The following MGAT5 variants were observed in gnomAD, a reference collection of about 807,000 sequenced individuals.
The protein encoded by MGAT5 is alpha-1,6-mannosylglycoprotein 6-beta-N-acetylglucosaminyltransferase, also known as alpha-1,6-mannosylglycoprotein 6-beta-N-acetylglucosaminyltransferase A.
A neutral mutation model predicts 94.3 loss-of-function variants in MGAT5; 30 were observed. The ratio of observed to expected loss-of-function variants is 0.32; its 90% CI spans 0.24 to 0.43. MGAT5 has a LOEUF of 0.43. Ranked by LOEUF, MGAT5 falls within the 20% of genes least tolerant of loss-of-function variation. The probability of loss-of-function intolerance (pLI) is 1.00; values close to 1 mark genes in which losing one functional copy is unlikely to be tolerated. For synonymous variants in MGAT5, 310 were observed against 322.9 expected (o/e 0.96, Z 0.43); for missense variants, 691 against 905.5 (o/e 0.76, Z 3.04).
intron 10 of MGAT5, among the ~76,000 whole-genome samples, chr2:134,381,382 T>TTAGATAGA (rs61246431): frequency 0.035 from 3,794 of 108,428 alleles, 178 homozygotes; most frequent in Middle Eastern, 0.081. Flanking sequence ...ATAAGATAGA[T>TTAGATAGA]TAGATAGATA....
At chr2:134,147,088 C>T (rs542952283) in intron 1 of MGAT5, among the ~76,000 whole-genome samples, 28 of 151,566 alleles carry the variant, frequency 1.8e-4, no homozygotes, top group African/African-American at 6.7e-4. Context: ...TTCCTGCTCT[C>T]TCTCGCTCTC....
intron 10 of MGAT5, among the ~76,000 whole-genome samples, chr2:134,365,422 T>C (rs2106128211): frequency 6.6e-6 from 1 of 152,292 alleles, no homozygotes; most frequent in East Asian, 1.9e-4. Context: ...ATCAATGAGA[T>C]TCTTCAGTTC....
intron 10 of MGAT5, among the ~76,000 whole-genome samples, chr2:134,379,267 A>G (rs145806045): frequency 6.6e-6 from 1 of 152,312 alleles, no homozygotes; most frequent in Non-Finnish European, 1.5e-5. Flanking sequence ...TGCATATTTT[A>G]TCATCTTGTG....
intron 1 of MGAT5, among the ~76,000 whole-genome samples, chr2:134,256,198 A>AGTTT (rs756370448): frequency 6.6e-6 from 1 of 152,338 alleles, no homozygotes; most frequent in East Asian, 1.9e-4. Flanking sequence ...GTAACTAGGT[A>AGTTT]GTTTTTCCTA....
At chr2:134,222,565 C>T (rs1426102281) in intron 1 of MGAT5, among the ~76,000 whole-genome samples, 1 of 152,276 alleles carries the variant, frequency 6.6e-6, no homozygotes, top group African/African-American at 2.4e-5. Flanking sequence ...CAAAAAGTGC[C>T]TGGTCCTTGG....
chr2:134,292,749 C>T (rs1320982208), intron 2 of MGAT5, among the ~76,000 whole-genome samples: 1 of 152,216 alleles, frequency 6.6e-6, no homozygotes, highest in Non-Finnish European at 1.5e-5. Context: ...CTGGTGTTAA[C>T]ACTCCGAGCA....
At chr2:134,213,447 A>G (rs1027948362) in intron 1 of MGAT5, among the ~76,000 whole-genome samples, 10 of 152,020 alleles carry the variant, frequency 6.6e-5, no homozygotes, top group African/African-American at 1.9e-4. Context: ...CCTCACACCA[A>G]TGAATTATCC....
At chr2:134,299,318 T>G (rs1479319885) in intron 2 of MGAT5, among the ~76,000 whole-genome samples, 1 of 152,190 alleles carries the variant, frequency 6.6e-6, no homozygotes, top group African/African-American at 2.4e-5. Context: ...ATTTTTAGTT[T>G]TAGATTGTTC....
chr2:134,169,357 T>C (rs977140799), intron 1 of MGAT5, among the ~76,000 whole-genome samples: 4 of 151,254 alleles, frequency 2.6e-5, no homozygotes, highest in African/African-American at 9.7e-5. Flanking sequence ...CTGGGCAATA[T>C]AGTGAAACCT....
intron 2 of MGAT5, among the ~76,000 whole-genome samples, chr2:134,274,332 T>C (rs924917692): frequency 6.6e-6 from 1 of 152,234 alleles, no homozygotes; most frequent in Admixed American, 6.5e-5. Context: ...TTTACATTTG[T>C]GGTGATTTGC....
intron 1 of MGAT5, among the ~76,000 whole-genome samples, chr2:134,129,179 C>G (rs1199468109): frequency 6.6e-6 from 1 of 152,188 alleles, no homozygotes; most frequent in Non-Finnish European, 1.5e-5. Context: ...GTCTCCTTGC[C>G]TTTTCTAGCT....
At chr2:134,136,635 A>G (rs1240559345) in intron 1 of MGAT5, among the ~76,000 whole-genome samples, 1 of 152,222 alleles carries the variant, frequency 6.6e-6, no homozygotes, top group African/African-American at 2.4e-5. Context: ...TTTCAATATC[A>G]TTGATTTCCT....
At chr2:134,429,930 T>C (rs1474535816) in intron 14 of MGAT5, among the ~76,000 whole-genome samples, 1 of 152,196 alleles carries the variant, frequency 6.6e-6, no homozygotes, top group Non-Finnish European at 1.5e-5. Context: ...CTCACAGTTA[T>C]CAGGCTCACA....
At chr2:134,422,360 A>G (rs977308669) in intron 12 of MGAT5, among the ~76,000 whole-genome samples, 4 of 152,166 alleles carry the variant, frequency 2.6e-5, no homozygotes, top group Non-Finnish European at 4.4e-5. Flanking sequence ...ATTTTTTTCT[A>G]TCACCTTTTG....
At chr2:134,253,669 G>A (rs975249421), upstream of MGAT5, among the ~76,000 whole-genome samples, 1 of 152,156 alleles carries the variant, frequency 6.6e-6, no homozygotes, top group African/African-American at 2.4e-5. Flanking sequence ...TATCTTCTCT[G>A]TGCTGGTGCA....
At chr2:134,227,018 T>C (rs1023742762) in intron 1 of MGAT5, among the ~76,000 whole-genome samples, 3 of 151,400 alleles carry the variant, frequency 2.0e-5, no homozygotes, top group African/African-American at 7.3e-5. Context: ...TTATGTGAAA[T>C]CTCCATTTTT....
chr2:134,249,362 AC>A (rs1419890883), upstream of MGAT5, among the ~76,000 whole-genome samples: 1 of 151,152 alleles, frequency 6.6e-6, no homozygotes, highest in African/African-American at 2.4e-5. Flanking sequence ...CCTTTTTGTT[AC>A]CCCCTAGAAA....
chr2:134,422,738 A>T, intron 12 of MGAT5, 65 bp from the exon 13 acceptor site: 1 of 1,187,326 alleles, frequency 8.4e-7, no homozygotes, highest in Non-Finnish European at 1.3e-6. Flanking sequence ...AAAGCATAGC[A>T]CTCCATCTAG....
chr2:134,244,054 T>A (rs1298580654), intron 1 of MGAT5, among the ~76,000 whole-genome samples: 8 of 152,192 alleles, frequency 5.3e-5, no homozygotes. Flanking sequence ...AGAAGTCTGA[T>A]CCTCAGAGAA....
Sources: allele counts gnomAD v4.1 joint callset (sites outside exome capture counted in the v4.1 genomes callset), GRCh38; gene constraint gnomAD v4.1.1; transcripts MANE v1.5; gene names NCBI Gene and HGNC (gene_info 2026-07-23, HGNC 2026-07-21).